The following DLG2 variants were observed in gnomAD, a reference collection of about 807,000 sequenced individuals.
DLG2 encodes disks large homolog 2.
In DLG2, 45 loss-of-function variants were observed where a neutral mutation model predicts 132.5. That is an observed-to-expected ratio of 0.34 (90% CI 0.27 to 0.44). The LOEUF is 0.44. Among genes scored for constraint, DLG2 ranks in the 20% least tolerant of loss-of-function variants. The pLI, the probability that DLG2 is intolerant of heterozygous loss-of-function variation, is 1.00. For missense variants in DLG2, 1,045 were observed against 1,196.9 expected (o/e 0.87, Z 1.87); for synonymous variants, 424 against 419.6 (o/e 1.01, Z -0.13).
At chr11:85,603,382 T>C (rs1186828776) in intron 2 of DLG2, among the ~76,000 whole-genome samples, 1 of 152,126 alleles carries the variant, frequency 6.6e-6, no homozygotes, top group East Asian at 1.9e-4. Context: ...ATACTATACC[T>C]CTCTCTCTAC....
intron 7 of DLG2, among the ~76,000 whole-genome samples, chr11:84,278,576 C>A (rs2097812667): frequency 1.3e-5 from 2 of 151,862 alleles, no homozygotes; most frequent in East Asian, 1.9e-4. Context: ...AGCAAAAATT[C>A]TTAAAAAATT....
At chr11:83,802,067 C>A (rs2044550205) in intron 17 of DLG2, among the ~76,000 whole-genome samples, 1 of 146,192 alleles carries the variant, frequency 6.8e-6, no homozygotes, top group Non-Finnish European at 1.5e-5. Flanking sequence ...AGGCCCAAGA[C>A]TTTTTTTTTT....
chr11:84,971,311 C>T (rs1304143820), intron 6 of DLG2, among the ~76,000 whole-genome samples: 1 of 152,088 alleles, frequency 6.6e-6, no homozygotes, highest in Admixed American at 6.6e-5. Context: ...AGACATGTAA[C>T]GTTTCTCATA....
At chr11:84,506,233 G>A (rs954890398) in intron 7 of DLG2, among the ~76,000 whole-genome samples, 11 of 151,428 alleles carry the variant, frequency 7.3e-5, no homozygotes, top group East Asian at 3.9e-4. Context: ...CCGCCACTGC[G>A]CCCGGCTAAT....
intron 12 of DLG2, among the ~76,000 whole-genome samples, chr11:83,970,705 A>C (rs980348261): frequency 2.0e-5 from 3 of 152,182 alleles, no homozygotes; most frequent in Non-Finnish European, 4.4e-5. Context: ...ATTGATTAAA[A>C]TGTGTTGGCC....
rs1472944301 is a variant in DLG2, at chr11:83,627,154, ATTT to A, written c.1940+6054_1940+6056del. On this transcript the variant is annotated intron_variant, in intron 19 of 27. Coordinates refer to ENST00000376104, the MANE Select transcript of DLG2 (RefSeq NM_001142699.3). ...GCCAGATATCTAAATTCACTATTTT[ATTT>A]AATTCTCACAACCACTTATTTTATT... Among the ~76,000 whole-genome samples the A allele has an allele frequency of 2.6e-5, 4 of 152,052 alleles. 1 individual carries two copies. Among genetic ancestry groups the A allele is most frequent in the Admixed American group, 2.6e-4 (4 of 15,264 alleles).
intron 3 of DLG2, among the ~76,000 whole-genome samples, chr11:85,340,843 A>C (rs1278038787): frequency 2.0e-5 from 3 of 152,206 alleles, no homozygotes; most frequent in Non-Finnish European, 4.4e-5. Context: ...CTGTATCAAG[A>C]TGAAAGAGGA....
At chr11:83,755,867 AGTT>A (rs1008017038) in intron 18 of DLG2, among the ~76,000 whole-genome samples, 24 of 151,342 alleles carry the variant, frequency 1.6e-4, no homozygotes, top group Non-Finnish European at 2.8e-4. Flanking sequence ...CTCTCTTACT[AGTT>A]AAGGGTTTAT....
At chr11:84,981,552 G>C (rs1394658669) in intron 6 of DLG2, among the ~76,000 whole-genome samples, 1 of 152,048 alleles carries the variant, frequency 6.6e-6, no homozygotes, top group Non-Finnish European at 1.5e-5. Context: ...AAGTTATGTG[G>C]GATGACTCAT....
intron 3 of DLG2, among the ~76,000 whole-genome samples, chr11:85,301,788 A>T (rs2079599706): frequency 6.6e-6 from 1 of 152,186 alleles, no homozygotes; most frequent in Non-Finnish European, 1.5e-5. Flanking sequence ...TGCCAAGCAC[A>T]TCAGAACCTT....
intron 12 of DLG2, among the ~76,000 whole-genome samples, chr11:83,978,108 C>G (rs1378990557): frequency 1.3e-5 from 2 of 150,100 alleles, no homozygotes; most frequent in African/African-American, 4.9e-5. Flanking sequence ...TGAATATCAA[C>G]AAAATGGTAA....
chr11:83,463,520 G>C (rs144523674), intron 26 of DLG2, among the ~76,000 whole-genome samples: 73 of 152,342 alleles, frequency 4.8e-4, no homozygotes, highest in African/African-American at 1.6e-3. Context: ...CAGGCACAGT[G>C]GTTCACGTCT....
At chr11:85,429,844 C>A (rs1020205986) in intron 3 of DLG2, among the ~76,000 whole-genome samples, 1 of 152,140 alleles carries the variant, frequency 6.6e-6, no homozygotes, top group African/African-American at 2.4e-5. Flanking sequence ...TTGACCCAGC[C>A]ATCCCATTAC....
At chr11:83,632,913 A>T in intron 19 of DLG2, 1 of 334,032 alleles carries the variant, frequency 3.0e-6, no homozygotes, top group South Asian at 4.3e-5. Flanking sequence ...GCCATTTAAG[A>T]TTTATTAGAA....
chr11:85,591,498 TGGGAGGCCAA>T (rs1480332637), intron 3 of DLG2, among the ~76,000 whole-genome samples: 2 of 152,274 alleles, frequency 1.3e-5, no homozygotes, highest in East Asian at 3.9e-4. Context: ...CCCAGCGCTT[TGGGAGGCCAA>T]GGCAGGCAAA....
intron 3 of DLG2, among the ~76,000 whole-genome samples, chr11:85,429,397 AG>A (rs1442053347): frequency 1.3e-5 from 2 of 152,200 alleles, no homozygotes; most frequent in African/African-American, 4.8e-5. Context: ...GCACGGCAAA[AG>A]AAAATACCAT....
intron 6 of DLG2, among the ~76,000 whole-genome samples, chr11:84,605,542 A>G (rs1439111498): frequency 6.6e-6 from 1 of 151,652 alleles, no homozygotes; most frequent in Non-Finnish European, 1.5e-5. Flanking sequence ...ATCTTTGCAT[A>G]TAAGCATCCA....
intron 6 of DLG2, among the ~76,000 whole-genome samples, chr11:84,830,586 A>C (rs1370419636): frequency 6.6e-6 from 1 of 151,568 alleles, no homozygotes; most frequent in African/African-American, 2.4e-5. Flanking sequence ...TCCAATATGC[A>C]AAGTACTCTC....
chr11:85,274,219 G>T (rs1051254301), intron 4 of DLG2, among the ~76,000 whole-genome samples: 1 of 152,112 alleles, frequency 6.6e-6, no homozygotes, highest in African/African-American at 2.4e-5. Flanking sequence ...AAACCTGCAC[G>T]CTGTGCACAT....
Sources: gnomAD v4.1 joint callset for allele counts (sites outside exome capture counted in the v4.1 genomes callset) on GRCh38, gnomAD v4.1.1 for gene constraint, MANE v1.5 for transcripts, NCBI Gene and HGNC (gene_info 2026-07-23, HGNC 2026-07-21) for gene names.